Variants in PCDHGB3 observed in about 807,000 individuals in gnomAD.
PCDHGB3 encodes the protein protocadherin gamma-B3.
Under a neutral mutation model 59.2 loss-of-function variants are expected in PCDHGB3, and 40 were observed. The observed-to-expected ratio is 0.68, with a 90% CI of 0.52 to 0.88. The LOEUF (loss-of-function observed/expected upper bound fraction) is 0.88. Among genes scored for constraint, PCDHGB3 ranks in the 40% least tolerant of loss-of-function variants. PCDHGB3 has a pLI of 0.00. For missense variants in PCDHGB3, 1,309 were observed against 1,187.9 expected, an observed-to-expected ratio of 1.10 and a Z score of -1.50; for synonymous variants, 581 against 503.6, an observed-to-expected ratio of 1.15 and a Z score of -2.06.
chr5:141,495,108 C>G (rs1304714928), intron 2 of PCDHGB3, among the ~76,000 whole-genome samples: 1 of 152,176 alleles, frequency 6.6e-6, no homozygotes, highest in Admixed American at 6.5e-5. Context: ...ACGACCGGCA[C>G]CTTTTCCTAT....
At chr5:141,421,252 G>A in intron 1 of PCDHGB3, 1 of 1,607,158 alleles carries the variant, frequency 6.2e-7, no homozygotes, top group Non-Finnish European at 8.5e-7. Context: ...ACAGCGCGGG[G>A]ACCGCAGTCG....
chr5:141,502,864 G>GGCTTTTTT (rs2099816401), intron 2 of PCDHGB3, among the ~76,000 whole-genome samples: 1 of 61,572 alleles, frequency 1.6e-5, no homozygotes, highest in Non-Finnish European at 3.0e-5. Flanking sequence ...CTGACTCTCT[G>GGCTTTTTT]TCTTTTTTTT....
intron 1 of PCDHGB3, chr5:141,478,429 G>C: frequency 6.2e-7 from 1 of 1,613,674 alleles, no homozygotes; most frequent in Non-Finnish European, 8.5e-7. Flanking sequence ...GCAGCGACCC[G>C]CTGCTGAAGA....
intron 1 of PCDHGB3, chr5:141,441,502 T>G (rs2098250414): frequency 5.8e-6 from 1 of 173,754 alleles, no homozygotes; most frequent in African/African-American, 2.4e-5. Context: ...CTACCAGGCC[T>G]CCTACGTCGT....
At chr5:141,399,821 C>T in intron 1 of PCDHGB3, 1 of 1,613,210 alleles carries the variant, frequency 6.2e-7, no homozygotes, top group Non-Finnish European at 8.5e-7. Flanking sequence ...GCGCTGGGTC[C>T]CGACGGCTCT....
Position 141,490,142 on chromosome 5 carries a change from C to A in PCDHGB3, c.2416-4665C>A. On this transcript the variant is annotated intron_variant, in intron 1 of 3. Coordinates refer to ENST00000576222, the MANE Select transcript of PCDHGB3 (RefSeq NM_018924.5). This position sits in a 1 kb window ranked among gnomAD's most constrained non-coding sequence, Gnocchi z 5.4. The stretch of plus-strand genomic sequence containing the variant: ...TTTGGCCTAGACCCTAGCAGTGGGG[C>A]AATCCATGTGTTGGGTCCCATAGAC... The A allele has an allele frequency of 1.9e-6, 3 of 1,614,220 alleles. No individual in the cohort carries two copies. The highest frequency in any genetic ancestry group is 2.7e-5 in the African/African-American group (2 of 75,060).
At chr5:141,385,173 C>A in intron 1 of PCDHGB3, 1 of 1,614,188 alleles carries the variant, frequency 6.2e-7, no homozygotes. Context: ...ATGAGGTCTC[C>A]CTCACCGCGG....
rs1196201183 is a variant in PCDHGB3, at chr5:141,490,944, G to A, written c.2416-3863G>A. ...ATGCCCCAGCTGTGCTGCACCCACG[G>A]CCAGACTGGGAACACTCAGCCCCCC... On this transcript the variant is annotated intron_variant, in intron 1 of 3. Transcript: ENST00000576222. This position sits in a 1 kb window ranked among gnomAD's most constrained non-coding sequence, Gnocchi z 5.4. 6.2e-7 allele frequency: 1 copy of A among 1,613,488 alleles called. No individual in the cohort carries two copies. The highest frequency in any genetic ancestry group is 1.3e-5 in the African/African-American group (1 of 74,906).
At chr5:141,422,219 C>T in intron 1 of PCDHGB3, 1 of 1,564,678 alleles carries the variant, frequency 6.4e-7, no homozygotes, top group Non-Finnish European at 8.6e-7. Context: ...CTCTTTACCA[C>T]CACGACGATG....
At chr5:141,435,376 A>G (rs1358757887) in intron 1 of PCDHGB3, among the ~76,000 whole-genome samples, 1 of 152,200 alleles carries the variant, frequency 6.6e-6, no homozygotes, top group Non-Finnish European at 1.5e-5. Flanking sequence ...TAAATATACA[A>G]TATACCGTAT....
In PCDHGB3 at chr5:141,489,088, G is replaced by GGCA; in HGVS notation, c.2416-5719_2416-5718insGCA. The GGCA allele has an allele frequency of 2.9e-6, 1 of 347,238 alleles. No individual in the cohort carries two copies. Among genetic ancestry groups the GGCA allele is most frequent in the Non-Finnish European group, 5.0e-6 (1 of 200,706 alleles). The allele number at this position is 347,238 out of a possible 1,614,324, so 21.5% of individuals were successfully genotyped here. A position where few individuals can be genotyped will look rare whatever the true frequency, so the allele number is the denominator to read the frequency against. The stretch of plus-strand genomic sequence containing the variant: ...CCCCTGCCCACCCCCGCCACTCGGT[G>GGCA]ACTAAGAACTGCTGCAAGCAGGCAA... On this transcript the variant is annotated intron_variant, in intron 1 of 3. Coordinates refer to ENST00000576222, the MANE Select transcript of PCDHGB3 (RefSeq NM_018924.5). This position sits in a 1 kb window ranked among gnomAD's most constrained non-coding sequence, Gnocchi z 4.5.
intron 1 of PCDHGB3, chr5:141,374,871 CA>C: frequency 6.2e-7 from 1 of 1,613,662 alleles, no homozygotes; most frequent in South Asian, 1.1e-5. Flanking sequence ...CCAGTGTTGG[CA>C]GTGACTGCCA....
At chr5:141,502,782 T>C (rs1200280465) in intron 2 of PCDHGB3, among the ~76,000 whole-genome samples, 1 of 152,132 alleles carries the variant, frequency 6.6e-6, no homozygotes, top group African/African-American at 2.4e-5. Context: ...GAAAATTACC[T>C]GGATGATTTC....
intron 1 of PCDHGB3, chr5:141,408,054 C>G (rs1561710214): frequency 1.5e-6 from 2 of 1,295,924 alleles, no homozygotes; most frequent in East Asian, 2.6e-5. Flanking sequence ...CACAGAGCCT[C>G]CCGGCTGCGC....
chr5:141,439,186 C>T (rs2098094521), intron 1 of PCDHGB3, among the ~76,000 whole-genome samples: 1 of 141,808 alleles, frequency 7.1e-6, no homozygotes, highest in Admixed American at 7.0e-5. Flanking sequence ...TAGTGAGACT[C>T]TGACAAAAAA....
chr5:141,382,961 G>A (rs749724133), intron 1 of PCDHGB3: 14 of 1,607,564 alleles, frequency 8.7e-6, no homozygotes, highest in Non-Finnish European at 1.2e-5. Flanking sequence ...ATCCTCCTGG[G>A]GACCCCCTGG....
At position 141,476,791 on chromosome 5, in the gene PCDHGB3, C is replaced by A. The variant is rs766227340; in HGVS notation, c.2416-18016C>A. 1 of 1,613,512 alleles carries A rather than the reference C, an allele frequency of 6.2e-7. No individual in the cohort carries two copies. Among genetic ancestry groups the A allele is most frequent in the Non-Finnish European group, 8.5e-7 (1 of 1,180,014 alleles). On this transcript the variant is annotated intron_variant, in intron 1 of 3. Transcript: ENST00000576222. This position sits in a 1 kb window ranked among gnomAD's most constrained non-coding sequence, Gnocchi z 7.6. ...TGGACGGAGGGACCCCAGCTCTCTC[C>A]GCCAGCCTGCCTATTCACATCAAGG...
chr5:141,393,712 A>G, intron 1 of PCDHGB3: 1 of 1,613,874 alleles, frequency 6.2e-7, no homozygotes, highest in Non-Finnish European at 8.5e-7. Flanking sequence ...AATACTGGGG[A>G]AATATCAATA....
intron 1 of PCDHGB3, chr5:141,471,430 G>A (rs2099257545): frequency 6.6e-6 from 1 of 152,140 alleles, no homozygotes; most frequent in South Asian, 2.1e-4. Flanking sequence ...CAAGGAAAGT[G>A]TATAATCTCA....
Sources: gnomAD v4.1 joint callset for allele counts (sites outside exome capture counted in the v4.1 genomes callset) on GRCh38, gnomAD v4.1.1 for gene constraint, Gnocchi (gnomAD v3.1) non-coding constraint, MANE v1.5 for transcripts, NCBI Gene and HGNC (gene_info 2026-07-23, HGNC 2026-07-21) for gene names.